Variants in RADIL observed in about 807,000 individuals in gnomAD.
The protein encoded by RADIL is Rap associating with DIL domain.
Under a neutral mutation model 97.6 loss-of-function variants are expected in RADIL, and 99 were observed. That is an observed-to-expected ratio of 1.01 (90% confidence interval 0.86 to 1.20). RADIL has a LOEUF of 1.20. Ranked by LOEUF, RADIL falls within the 50% of genes most tolerant of loss-of-function variation. The pLI is 0.00. For synonymous variants in RADIL, 803 were observed against 691.8 expected, an observed-to-expected ratio of 1.16 and a Z score of -2.52; for missense variants, 1,765 against 1,498.9, an observed-to-expected ratio of 1.18 and a Z score of -2.93.
chr7:4,814,692 C>T lies in RADIL; in HGVS notation c.2139+586G>A, dbSNP rs1193477926. Among the ~76,000 whole-genome samples, 1 of 152,236 alleles carries T rather than the reference C, an allele frequency of 6.6e-6. No homozygotes were observed. The highest frequency in any genetic ancestry group is 2.4e-5 in the African/African-American group (1 of 41,456). ...GCACTCTCACAGCTCCGCGGCTCCA[C>T]AGCTCAGCCGGGTCTCACAGAGCTG... On this transcript the variant is annotated intron_variant, in intron 9 of 14. Coordinates refer to ENST00000399583, the MANE Select transcript of RADIL (RefSeq NM_018059.5). The surrounding 1 kb of genome is among the most constrained non-coding windows in gnomAD (Gnocchi z 4.5).
Position 4,822,425 on chromosome 7 carries a change from C to A in RADIL, c.1584G>T (p.Met528Ile). 6.2e-6 allele frequency: 10 copies of A among 1,612,748 alleles called. No individual in the cohort carries two copies. The highest frequency in any genetic ancestry group is 8.5e-6 in the Non-Finnish European group (10 of 1,179,856). Reference protein sequence around the residue: ...YFIQQKCPLYMQSMEEQLDIT... With the variant: ...YFIQQKCPLYIQSMEEQLDIT... Reference sequence around the variant, plus strand: ...TGTCCAGCTGCTCCTCCATGCTCTGCATGTAGAGTGGGCATTTCTGCTGGA... The same window carrying A: ...TGTCCAGCTGCTCCTCCATGCTCTGAATGTAGAGTGGGCATTTCTGCTGGA... Residue 528 changes from methionine to isoleucine, a missense_variant, in exon 6 of 15, where the codon ATG becomes ATT. Transcript: ENST00000399583. This position sits in a 1 kb window ranked among gnomAD's most constrained non-coding sequence, Gnocchi z 5.3.
chr7:4,815,268 G>A lies in RADIL; in HGVS notation c.2139+10C>T, dbSNP rs745543316. On this transcript the variant is annotated intron_variant, in intron 9 of 14. Transcript: ENST00000399583. The surrounding 1 kb of genome is among the most constrained non-coding windows in gnomAD (Gnocchi z 8.0). ...TCCCCACACTCGCCGCCTCCCATGC[G>A]CACCCCTACCTGGATGAGCTGGGCC... 97 of 1,537,062 alleles carry A rather than the reference G, an allele frequency of 6.3e-5. No homozygotes were observed. The highest frequency in any genetic ancestry group is 7.6e-5 in the Non-Finnish European group (87 of 1,138,720).
chr7:4,874,288 G>A (rs1025940225), intron 2 of RADIL, among the ~76,000 whole-genome samples: 7 of 152,358 alleles, frequency 4.6e-5, no homozygotes, highest in South Asian at 2.1e-4. Context: ...TTCTGGGCGC[G>A]GGCCTGTTTG....
At chr7:4,806,833 GC>G (rs1160118654) in intron 9 of RADIL, among the ~76,000 whole-genome samples, 2 of 152,202 alleles carry the variant, frequency 1.3e-5, no homozygotes, top group African/African-American at 4.8e-5. Context: ...TTCTGCAGGT[GC>G]TGTTTTGTCC....
rs1583331867 is a variant in RADIL at position 4,878,072 on chromosome 7, A to T, written c.68T>A (p.Leu23Gln). 6.3e-7 allele frequency: 1 copy of T among 1,598,336 alleles called. No individual in the cohort carries two copies. The highest frequency in any genetic ancestry group is 1.3e-5 in the African/African-American group (1 of 74,612). The change falls in exon 2 of 15, where the codon CTG becomes CAG. Residue 23 changes from leucine (L) to glutamine (Q), a missense_variant. Transcript: ENST00000399583. The surrounding 1 kb of genome is among the most constrained non-coding windows in gnomAD (Gnocchi z 4.1). ...TKSKLKRQSQ[L>Q]LSSMLSRTLS... ...CGTCCGGGACAGCATGCTGGACAAC[A>T]GCTGGCTCTGCCGCTTCAGTTTGCT...
rs1057113386 is a variant in RADIL at position 4,798,989 on chromosome 7, C to T, written c.*389G>A. 8.7e-6 allele frequency: 2 copies of T among 229,368 alleles called. No individual in the cohort carries two copies. Among genetic ancestry groups the T allele is most frequent in the Non-Finnish European group, 1.8e-5 (2 of 113,322 alleles). 14.2% of individuals were successfully genotyped at this position (229,368 alleles called of 1,614,324 possible). On this transcript the variant is annotated 3_prime_UTR_variant, in exon 15 of 15. Coordinates refer to ENST00000399583, the MANE Select transcript of RADIL (RefSeq NM_018059.5). ...GTCAGTTCAGATGATCCCCTGATGA[C>T]AGCTGTCACTGCATTCTCCCGTGCC...
rs752237829 is a variant in RADIL, at chr7:4,803,735, G to C, written c.2310C>G (p.Tyr770Ter). Residue 770 changes from tyrosine to a stop codon, truncating the protein, a stop_gained, in exon 11 of 15, where the codon TAC becomes TAG. Coordinates refer to ENST00000399583, the MANE Select transcript of RADIL (RefSeq NM_018059.5). LOFTEE classifies it high-confidence loss of function. ...AFRSEDVLES[Y>*]ENPPPIVLPS... The stretch of plus-strand genomic sequence containing the variant: ...GCAGGACGATGGGTGGGGGGTTTTC[G>C]TAGGACTCCAGAACATCCTCTGCAG... 1.9e-6 allele frequency: 3 copies of C among 1,565,072 alleles called. No individual in the cohort carries two copies. Among genetic ancestry groups the C allele is most frequent in the East Asian group, 2.4e-5 (1 of 41,852 alleles).
chr7:4,821,948 C>T lies in RADIL; in HGVS notation c.1615+446G>A, dbSNP rs1782844759. Reference sequence around the variant, plus strand: ...ACAATTTCACAACAATGACTGGCAACATCTGTCCTTCTGGAATAACGGTGT... The same window carrying T: ...ACAATTTCACAACAATGACTGGCAATATCTGTCCTTCTGGAATAACGGTGT... On this transcript the variant is annotated intron_variant, in intron 6 of 14. Coordinates refer to ENST00000399583, the MANE Select transcript of RADIL (RefSeq NM_018059.5). The surrounding 1 kb of genome is among the most constrained non-coding windows in gnomAD (Gnocchi z 5.2). 2.0e-5 allele frequency among the ~76,000 whole-genome samples: 3 copies of T among 152,114 alleles called. No individual in the cohort carries two copies. Among genetic ancestry groups the T allele is most frequent in the Admixed American group, 1.3e-4 (2 of 15,276 alleles).
intron 9 of RADIL, chr7:4,809,684 T>C (rs1782482115): frequency 1.1e-6 from 1 of 941,058 alleles, no homozygotes; most frequent in Non-Finnish European, 1.3e-6. Flanking sequence ...TTTTATTTTA[T>C]TTAATTGATT....
intron 2 of RADIL, among the ~76,000 whole-genome samples, chr7:4,844,524 A>G (rs1783523651): frequency 6.6e-6 from 1 of 152,264 alleles, no homozygotes; most frequent in Admixed American, 6.5e-5. Flanking sequence ...GGAAATGCAA[A>G]AGAATCTATG....
chr7:4,801,986 G>A lies in RADIL; in HGVS notation c.2509C>T (p.His837Tyr), dbSNP rs752991677. Residue 837 changes from histidine to tyrosine, a missense_variant, in exon 12 of 15, where the codon CAC becomes TAC. Coordinates refer to ENST00000399583, the MANE Select transcript of RADIL (RefSeq NM_018059.5). ...SQPVCPEGMH[H>Y]VVLDGHLEAP... Reference sequence around the variant, plus strand: ...TCCAGGTGCCCGTCAAGGACCACGTGGTGCATACCCTAGGGAGAGGAAGGG... The same window carrying A: ...TCCAGGTGCCCGTCAAGGACCACGTAGTGCATACCCTAGGGAGAGGAAGGG... 10 of 1,531,222 alleles carry A rather than the reference G, an allele frequency of 6.5e-6. No individual in the cohort carries two copies. The highest frequency in any genetic ancestry group is 4.2e-5 in the African/African-American group (3 of 71,962). 94.9% of individuals were successfully genotyped at this position (1,531,222 alleles called of 1,614,324 possible).
chr7:4,799,337 G>T lies in RADIL; in HGVS notation c.*41C>A. ...GGAGGAAGCCCAGTGTCACCAGGTG[G>T]GACCGGGTGCCGGGCCTGTGGGGGT... is the stretch of plus-strand genomic sequence containing the variant. On this transcript the variant is annotated 3_prime_UTR_variant, in exon 15 of 15. Transcript: ENST00000399583. The T allele has an allele frequency of 6.3e-7, 1 of 1,586,328 alleles. No homozygotes were observed. Among genetic ancestry groups the T allele is most frequent in the South Asian group, 1.1e-5 (1 of 90,512 alleles).
intron 2 of RADIL, among the ~76,000 whole-genome samples, chr7:4,848,153 T>G (rs1364460510): frequency 1.3e-5 from 2 of 148,998 alleles, no homozygotes; most frequent in Non-Finnish European, 3.0e-5. Context: ...TGAGCTGAGA[T>G]CACACCACTG....
In RADIL at chr7:4,798,265, A is replaced by C. The variant is rs1781974720; in HGVS notation, c.*1113T>G. The C allele has an allele frequency of 6.6e-6, 1 of 152,056 alleles. No homozygotes were observed. The highest frequency in any genetic ancestry group is 6.5e-5 in the Admixed American group (1 of 15,272). 9.4% of individuals were successfully genotyped at this position (152,056 alleles called of 1,614,324 possible). On this transcript the variant is annotated 3_prime_UTR_variant, in exon 15 of 15. Transcript: ENST00000399583. ...AGAGGGCGCGGGGCGGACGCGCTGC[A>C]CCTCGCCGTAGCGCACACCAGGGGG... is the stretch of plus-strand genomic sequence containing the variant.
At chr7:4,860,021 G>A (rs370973524) in intron 2 of RADIL, 2 of 1,613,860 alleles carry the variant, frequency 1.2e-6, no homozygotes, top group African/African-American at 2.7e-5. Context: ...CTGAGAGACA[G>A]CGTGAGGAAT....
At chr7:4,828,479 T>C (rs1030505013) in intron 5 of RADIL, among the ~76,000 whole-genome samples, 1 of 152,200 alleles carries the variant, frequency 6.6e-6, no homozygotes, top group Non-Finnish European at 1.5e-5. Flanking sequence ...AACCTAGGAA[T>C]GTAGCACTCC....
At chr7:4,809,128 T>G in intron 9 of RADIL, 1 of 984,960 alleles carries the variant, frequency 1.0e-6, no homozygotes, top group East Asian at 1.1e-4. Flanking sequence ...AGGCGCTTCC[T>G]GGCCTCAGCG....
rs561405604 is a variant in RADIL, at chr7:4,803,717, G to T, written c.2328C>A (p.Ile776=). 1.9e-6 allele frequency: 3 copies of T among 1,567,480 alleles called. No homozygotes were observed. The highest frequency in any genetic ancestry group is 1.4e-5 in the African/African-American group (1 of 73,724). ...CCTGGAAGCCGTCGCTGGGCAGGAC[G>T]ATGGGTGGGGGGTTTTCGTAGGACT... is the stretch of plus-strand genomic sequence containing the variant. ...VLESYENPPP[I]VLPSDGFQVD... Residue 776 remains isoleucine (I), a synonymous_variant, in exon 11 of 15, where the codon ATC becomes ATA. Coordinates refer to ENST00000399583, the MANE Select transcript of RADIL (RefSeq NM_018059.5).
At chr7:4,860,129 G>A in intron 2 of RADIL, 3 of 1,614,004 alleles carry the variant, frequency 1.9e-6, no homozygotes, top group Non-Finnish European at 2.5e-6. Flanking sequence ...TGTCATTACA[G>A]CCAAGGCAGG....
Sources: gnomAD v4.1 joint callset for allele counts (sites outside exome capture counted in the v4.1 genomes callset) on GRCh38, gnomAD v4.1.1 for gene constraint, Gnocchi (gnomAD v3.1) non-coding constraint, MANE v1.5 for transcripts, NCBI Gene and HGNC (gene_info 2026-07-23, HGNC 2026-07-21) for gene names.